The following RAB15 variants were observed in gnomAD, a reference collection of about 807,000 sequenced individuals.
The protein encoded by RAB15 is ras-related protein Rab-15.
In RAB15, 13 loss-of-function variants were observed where a neutral mutation model predicts 31.8. The ratio of observed to expected loss-of-function variants is 0.41; its 90% CI spans 0.27 to 0.65. The LOEUF (loss-of-function observed/expected upper bound fraction) is 0.65. Among genes scored for constraint, RAB15 ranks in the 30% least tolerant of loss-of-function variants. RAB15 has a pLI of 0.32. For missense variants in RAB15, 220 were observed against 277.3 expected (o/e 0.79, Z 1.47); for synonymous variants, 100 against 105.6 (o/e 0.95, Z 0.33).
chr14:64,951,047 C>A lies in RAB15; in HGVS notation c.324+27G>T, dbSNP rs1219651335. 1 of 1,613,452 alleles carries A rather than the reference C, an allele frequency of 6.2e-7. No individual in the cohort carries two copies. Among genetic ancestry groups the A allele is most frequent in the Middle Eastern group, 1.6e-4 (1 of 6,062 alleles). On this transcript the variant is annotated intron_variant, in intron 4 of 6. Coordinates refer to ENST00000533601, the MANE Select transcript of RAB15 (RefSeq NM_001308154.2). This position sits in a 1 kb window ranked among gnomAD's most constrained non-coding sequence, Gnocchi z 7.2. ...TCCCCGGTGAGGCACCCTCTCCACACCCCGGCAGTGAGGTGGCATCTCCTA... is the reference window on the plus strand; with the variant it reads ...TCCCCGGTGAGGCACCCTCTCCACAACCCGGCAGTGAGGTGGCATCTCCTA...
At position 64,968,549 on chromosome 14, in the gene RAB15, T is replaced by C. The variant is rs1235620259; in HGVS notation, c.124+3404A>G. Among the ~76,000 whole-genome samples the C allele has an allele frequency of 6.6e-6, 1 of 152,256 alleles. No homozygotes were observed. Among genetic ancestry groups the C allele is most frequent in the African/African-American group, 2.4e-5 (1 of 41,470 alleles). ...AGACCTTCATTAAGAGTAACTGCAATGATCATAATCCATCCTTTACATTTG... is the reference window on the plus strand; with the variant it reads ...AGACCTTCATTAAGAGTAACTGCAACGATCATAATCCATCCTTTACATTTG... On this transcript the variant is annotated intron_variant, in intron 1 of 6. Coordinates refer to ENST00000533601, the MANE Select transcript of RAB15 (RefSeq NM_001308154.2). This position sits in a 1 kb window ranked among gnomAD's most constrained non-coding sequence, Gnocchi z 4.9.
intron 1 of RAB15, among the ~76,000 whole-genome samples, chr14:64,961,565 T>C (rs1407459406): frequency 6.6e-6 from 1 of 152,066 alleles, no homozygotes; most frequent in African/African-American, 2.4e-5. Flanking sequence ...GTAAGGAATC[T>C]CTAGGGCTCA....
rs1886192369 is a variant in RAB15, at chr14:64,950,530, T to C, written c.325-116A>G. 2 of 872,022 alleles carry C rather than the reference T, an allele frequency of 2.3e-6. No homozygotes were observed. The highest frequency in any genetic ancestry group is 2.8e-5 in the South Asian group (2 of 72,664). The allele number at this position is 872,022 out of a possible 1,614,324, so 54.0% of individuals were successfully genotyped here. A position where few individuals can be genotyped will look rare whatever the true frequency, so the allele number is the denominator to read the frequency against. On this transcript the variant is annotated intron_variant, in intron 4 of 6. Coordinates refer to ENST00000533601, the MANE Select transcript of RAB15 (RefSeq NM_001308154.2). The surrounding 1 kb of genome is among the most constrained non-coding windows in gnomAD (Gnocchi z 5.6). ...CAATTCCAGAGCCCTAGGGACAGGGTGGGCCGACTGGATGCAGGTGCCAGG... is the reference window on the plus strand; with the variant it reads ...CAATTCCAGAGCCCTAGGGACAGGGCGGGCCGACTGGATGCAGGTGCCAGG...
rs1337986542 is a variant in RAB15, at chr14:64,968,421, C to G, written c.124+3532G>C. Among the ~76,000 whole-genome samples the G allele has an allele frequency of 6.6e-6, 1 of 152,192 alleles. No individual in the cohort carries two copies. The highest frequency in any genetic ancestry group is 1.5e-5 in the Non-Finnish European group (1 of 68,028). ...CTCTCTCTTCCCCAGCCTCCGACAG[C>G]ATGGAGTCGTGGGAATAGCACTCAC... On this transcript the variant is annotated intron_variant, in intron 1 of 6. Coordinates refer to ENST00000533601, the MANE Select transcript of RAB15 (RefSeq NM_001308154.2). This position sits in a 1 kb window ranked among gnomAD's most constrained non-coding sequence, Gnocchi z 4.9.
chr14:64,948,533 G>A lies in RAB15; in HGVS notation c.481-21C>T. ...AATGACTGGAAACCAAAGGGCACAG[G>A]TTAGTCCAGTGTCTCCTCCTCTCCC... is the stretch of plus-strand genomic sequence containing the variant. On this transcript the variant is annotated intron_variant, in intron 6 of 6. Transcript: ENST00000533601. The surrounding 1 kb of genome is among the most constrained non-coding windows in gnomAD (Gnocchi z 7.0). 6.2e-7 allele frequency: 1 copy of A among 1,602,598 alleles called. No homozygotes were observed. Among genetic ancestry groups the A allele is most frequent in the Non-Finnish European group, 8.5e-7 (1 of 1,173,836 alleles).
intron 1 of RAB15, among the ~76,000 whole-genome samples, chr14:64,960,888 C>T (rs1886818834): frequency 6.6e-6 from 1 of 152,166 alleles, no homozygotes; most frequent in Admixed American, 6.5e-5. Context: ...CCAGATGGCT[C>T]CTGGAGTCTG....
rs1409340373 is a variant in RAB15, at chr14:64,953,827, T to C, written c.125-1256A>G. On this transcript the variant is annotated intron_variant, in intron 1 of 6. Coordinates refer to ENST00000533601, the MANE Select transcript of RAB15 (RefSeq NM_001308154.2). The surrounding 1 kb of genome is among the most constrained non-coding windows in gnomAD (Gnocchi z 4.6). ...CCTGGAGCAAGGTCAGGAGTGGGCATGATCAGCCACAGTTTTCAGATGGGA... is the reference window on the plus strand; with the variant it reads ...CCTGGAGCAAGGTCAGGAGTGGGCACGATCAGCCACAGTTTTCAGATGGGA... 1 of 985,294 alleles carries C rather than the reference T, an allele frequency of 1.0e-6. No individual in the cohort carries two copies. The highest frequency in any genetic ancestry group is 6.2e-5 in the Admixed American group (1 of 16,256). The allele number at this position is 985,294 out of a possible 1,614,324, so 61.0% of individuals were successfully genotyped here. A position where few individuals can be genotyped will look rare whatever the true frequency, so the allele number is the denominator to read the frequency against.
chr14:64,957,390 G>C (rs942341559), intron 1 of RAB15, among the ~76,000 whole-genome samples: 1 of 152,110 alleles, frequency 6.6e-6, no homozygotes, highest in Non-Finnish European at 1.5e-5. Context: ...AGGAAAACCA[G>C]CCCAGAGAAC....
rs1435095679 is a variant in RAB15, at chr14:64,947,374, G to A, written c.*980C>T. The A allele has an allele frequency of 2.6e-5, 4 of 152,764 alleles. No individual in the cohort carries two copies. The highest frequency in any genetic ancestry group is 5.9e-5 in the Non-Finnish European group (4 of 68,130). 9.5% of individuals were successfully genotyped at this position (152,764 alleles called of 1,614,324 possible). A position where few individuals can be genotyped will look rare whatever the true frequency, so the allele number is the denominator to read the frequency against. ...TGGAGTGCATGGTTGGCCTGACAGTGTCACTGACCCCAGGGCTCTCCTTGC... is the reference window on the plus strand; with the variant it reads ...TGGAGTGCATGGTTGGCCTGACAGTATCACTGACCCCAGGGCTCTCCTTGC... On this transcript the variant is annotated 3_prime_UTR_variant, in exon 7 of 7. Coordinates refer to ENST00000533601, the MANE Select transcript of RAB15 (RefSeq NM_001308154.2). This position sits in a 1 kb window ranked among gnomAD's most constrained non-coding sequence, Gnocchi z 5.6.
chr14:64,948,750 T>C lies in RAB15; in HGVS notation c.415-17A>G. ...CTTCGCCAGCTGCAAGAGAAGGACA[T>C]TTCTGAAAGAGAGTCAGTAAGGCAG... is the stretch of plus-strand genomic sequence containing the variant. On this transcript the variant is annotated splice_polypyrimidine_tract_variant and intron_variant, in intron 5 of 6. Coordinates refer to ENST00000533601, the MANE Select transcript of RAB15 (RefSeq NM_001308154.2). The surrounding 1 kb of genome is among the most constrained non-coding windows in gnomAD (Gnocchi z 7.0). The C allele has an allele frequency of 6.2e-7, 1 of 1,609,234 alleles. No homozygotes were observed. The highest frequency in any genetic ancestry group is 2.2e-5 in the East Asian group (1 of 44,814).
In RAB15 at chr14:64,958,658, C is replaced by T. The variant is rs1886701302; in HGVS notation, c.125-6087G>A. Among the ~76,000 whole-genome samples, 2 of 152,154 alleles carry T rather than the reference C, an allele frequency of 1.3e-5. No homozygotes were observed. The highest frequency in any genetic ancestry group is 1.3e-4 in the Admixed American group (2 of 15,276). ...GACAGTGTCCCTACAAAACAGTCTA[C>T]TTCCTTTCTTGGGTACAGAAAGAAA... On this transcript the variant is annotated intron_variant, in intron 1 of 6. Coordinates refer to ENST00000533601, the MANE Select transcript of RAB15 (RefSeq NM_001308154.2). This position sits in a 1 kb window ranked among gnomAD's most constrained non-coding sequence, Gnocchi z 4.4.
At chr14:64,949,248 G>A (rs1325374282) in intron 5 of RAB15, among the ~76,000 whole-genome samples, 1 of 152,224 alleles carries the variant, frequency 6.6e-6, no homozygotes, top group African/African-American at 2.4e-5. Context: ...CACACATAGA[G>A]TGCTCAATAA....
chr14:64,946,043 G>A lies in RAB15; in HGVS notation c.*2311C>T, dbSNP rs1885902518. Reference sequence around the variant, plus strand: ...CAGCAGAGCCTGGTTAACAGTCTGGGCCTCAAGACATGCCCCAGGCCACCA... The same window carrying A: ...CAGCAGAGCCTGGTTAACAGTCTGGACCTCAAGACATGCCCCAGGCCACCA... On this transcript the variant is annotated 3_prime_UTR_variant, in exon 7 of 7. Coordinates refer to ENST00000533601, the MANE Select transcript of RAB15 (RefSeq NM_001308154.2). 1 of 152,596 alleles carries A rather than the reference G, an allele frequency of 6.6e-6. No individual in the cohort carries two copies. Among genetic ancestry groups the A allele is most frequent in the Non-Finnish European group, 1.5e-5 (1 of 68,052 alleles). 9.5% of individuals were successfully genotyped at this position (152,596 alleles called of 1,614,324 possible).
At chr14:64,965,477 TA>T (rs1260118527) in intron 1 of RAB15, among the ~76,000 whole-genome samples, 1 of 151,894 alleles carries the variant, frequency 6.6e-6, no homozygotes, top group Non-Finnish European at 1.5e-5. Flanking sequence ...TAAAATAAAA[TA>T]AAACAGGGCT....
At chr14:64,961,791 C>T (rs1207333430) in intron 1 of RAB15, among the ~76,000 whole-genome samples, 2 of 151,948 alleles carry the variant, frequency 1.3e-5, no homozygotes, top group African/African-American at 4.8e-5. Flanking sequence ...TACCAGTGGG[C>T]CCAGTTACTC....
chr14:64,949,586 G>A (rs1227263611), intron 5 of RAB15, among the ~76,000 whole-genome samples: 1 of 152,058 alleles, frequency 6.6e-6, no homozygotes, highest in African/African-American at 2.4e-5. Flanking sequence ...AGCCAGGCGT[G>A]GTGGCATGCA....
Position 64,972,000 on chromosome 14 carries a change from C to A in RAB15, c.77G>T (p.Cys26Phe), listed in dbSNP as rs903658120. ...GTGGAACTCGTTGTCGGTGAAGCGG[C>A]ACAGCAGGCAGGTCTTGCCCACCCC... ...DSGVGKTCLL[C>F]RFTDNEFHSS... The change falls in exon 1 of 7, where the codon TGC becomes TTC. Residue 26 changes from cysteine (C) to phenylalanine (F), a missense_variant. By Grantham distance (205) the Cys-to-Phe change is radical. Coordinates refer to ENST00000533601, the MANE Select transcript of RAB15 (RefSeq NM_001308154.2). The surrounding 1 kb of genome is among the most constrained non-coding windows in gnomAD (Gnocchi z 4.1). 6.8e-6 allele frequency: 11 copies of A among 1,606,754 alleles called. No homozygotes were observed. In the East Asian group the frequency reaches 2.5e-4, roughly 36 times the overall value.
Position 64,954,094 on chromosome 14 carries a change from A to C in RAB15, c.125-1523T>G, listed in dbSNP as rs895370467. ...TTTAATTACAAGGGAAAAAAGATGC[A>C]GAACGGGCAACCTGAACTAAATCGA... On this transcript the variant is annotated intron_variant, in intron 1 of 6. Transcript: ENST00000533601. The surrounding 1 kb of genome is among the most constrained non-coding windows in gnomAD (Gnocchi z 4.3). 1.4e-5 allele frequency: 14 copies of C among 985,486 alleles called. No individual in the cohort carries two copies. Among genetic ancestry groups the C allele is most frequent in the Middle Eastern group, 5.2e-4 (1 of 1,912 alleles). 61.0% of individuals were successfully genotyped at this position (985,486 alleles called of 1,614,324 possible).
chr14:64,969,026 T>C (rs148624281), intron 1 of RAB15, among the ~76,000 whole-genome samples: 1 of 152,294 alleles, frequency 6.6e-6, no homozygotes, highest in Non-Finnish European at 1.5e-5. Flanking sequence ...CTAGGTGATA[T>C]CCACATGAGC....
Sources: gnomAD v4.1 joint callset for allele counts (sites outside exome capture counted in the v4.1 genomes callset) on GRCh38, gnomAD v4.1.1 for gene constraint, Gnocchi (gnomAD v3.1) non-coding constraint, MANE v1.5 for transcripts, NCBI Gene and HGNC (gene_info 2026-07-23, HGNC 2026-07-21) for gene names.